PRR16: variants seen among roughly 807,000 people sequenced by gnomAD.
The protein encoded by PRR16 is protein Largen.
PRR16 carries 6 observed loss-of-function variants against 18.2 expected under a neutral mutation model. That is an observed-to-expected ratio of 0.33 (90% CI 0.18 to 0.65). The LOEUF is 0.65. PRR16 is among the 30% of genes least tolerant of loss of function. The pLI is 0.74. For synonymous variants in PRR16, 151 were observed against 147.8 expected, an observed-to-expected ratio of 1.02 and a Z score of -0.16; for missense variants, 412 against 376.6, an observed-to-expected ratio of 1.09 and a Z score of -0.78.
At chr5:120,760,843 G>T in the PRR16 span, among the ~76,000 whole-genome samples, 9 of 152,058 alleles carry the variant, frequency 5.9e-5, no homozygotes, top group African/African-American at 1.9e-4. Context: ...AGCTCCGGTA[G>T]CACAATGAAA....
intron 1 of PRR16, among the ~76,000 whole-genome samples, chr5:120,596,238 T>C (rs1753810629): frequency 6.6e-6 from 1 of 151,632 alleles, no homozygotes; most frequent in South Asian, 2.1e-4. Context: ...CTGAAGCTTA[T>C]GGGAAAGTCT....
chr5:120,480,453 A>G (rs1284844731), intron 1 of PRR16, among the ~76,000 whole-genome samples: 1 of 152,194 alleles, frequency 6.6e-6, no homozygotes, highest in Non-Finnish European at 1.5e-5. Context: ...GATAGTTACC[A>G]AGAAACCATC....
At chr5:120,785,575 G>GTTGTTTTTTTTT in the PRR16 span, among the ~76,000 whole-genome samples, 4 of 115,394 alleles carry the variant, frequency 3.5e-5, no homozygotes, top group Admixed American at 9.3e-5. Flanking sequence ...TGTTGTTGTT[G>GTTGTTTTTTTTT]TTTTTTTTTT....
chr5:120,569,466 T>C (rs954927305), intron 1 of PRR16, among the ~76,000 whole-genome samples: 1 of 152,142 alleles, frequency 6.6e-6, no homozygotes, highest in Non-Finnish European at 1.5e-5. Context: ...GGCTACCACA[T>C]GTAATACGCA....
chr5:120,699,783 C>T, the PRR16 span, among the ~76,000 whole-genome samples: 1 of 152,070 alleles, frequency 6.6e-6, no homozygotes, highest in Non-Finnish European at 1.5e-5. Flanking sequence ...ACTAACCATG[C>T]CTAGGAAGGA....
intron 1 of PRR16, among the ~76,000 whole-genome samples, chr5:120,682,128 C>G (rs1337218181): frequency 1.3e-5 from 2 of 152,158 alleles, no homozygotes; most frequent in African/African-American, 4.8e-5. Flanking sequence ...TCTCACAGTG[C>G]CCTTGAGCCA....
chr5:120,657,996 C>T (rs1000217283), intron 1 of PRR16: 1 of 151,958 alleles, frequency 6.6e-6, no homozygotes, highest in African/African-American at 2.4e-5. Context: ...GAGTACCTTC[C>T]TGGGAATACT....
chr5:120,788,765 C>T, the PRR16 span, among the ~76,000 whole-genome samples: 2 of 152,188 alleles, frequency 1.3e-5, no homozygotes, highest in African/African-American at 2.4e-5. Flanking sequence ...AGTAATGACT[C>T]AGAGTAAGCC....
At chr5:120,555,585 A>G (rs1340429931) in intron 1 of PRR16, among the ~76,000 whole-genome samples, 1 of 151,782 alleles carries the variant, frequency 6.6e-6, no homozygotes, top group Non-Finnish European at 1.5e-5. Flanking sequence ...CACTCATCCC[A>G]TCATGGAAGG....
At chr5:120,790,778 A>C in the PRR16 span, 1 of 152,166 alleles carries the variant, frequency 6.6e-6, no homozygotes, top group Non-Finnish European at 1.5e-5. Flanking sequence ...GACCACAGCA[A>C]GCAGTTTTTT....
the PRR16 span, among the ~76,000 whole-genome samples, chr5:120,712,524 A>T: frequency 1.6e-4 from 24 of 152,278 alleles, no homozygotes; most frequent in East Asian, 5.8e-4. Flanking sequence ...GGAACCTTAC[A>T]GATTGGGAAA....
downstream of PRR16, among the ~76,000 whole-genome samples, chr5:120,689,869 C>T (rs555998742): frequency 8.6e-5 from 13 of 151,596 alleles, no homozygotes; most frequent in East Asian, 2.1e-3. Flanking sequence ...TTCCACCTAC[C>T]AATAGTTATA....
chr5:120,568,129 T>A (rs1176161773), intron 1 of PRR16, among the ~76,000 whole-genome samples: 1 of 152,210 alleles, frequency 6.6e-6, no homozygotes, highest in Non-Finnish European at 1.5e-5. Context: ...ATATTAATCA[T>A]CATTTTAGAG....
At chr5:120,571,596 T>G (rs1332721639) in intron 1 of PRR16, among the ~76,000 whole-genome samples, 1 of 152,008 alleles carries the variant, frequency 6.6e-6, no homozygotes, top group East Asian at 1.9e-4. Context: ...GTAAAGAGAA[T>G]GGAGAGATCA....
chr5:120,505,373 G>T (rs1750605573), intron 1 of PRR16, among the ~76,000 whole-genome samples: 1 of 151,178 alleles, frequency 6.6e-6, no homozygotes, highest in African/African-American at 2.5e-5. Context: ...GGAATAGGTT[G>T]CTTAAAAGGT....
At chr5:120,673,764 A>G (rs1390448260) in intron 1 of PRR16, among the ~76,000 whole-genome samples, 1 of 151,708 alleles carries the variant, frequency 6.6e-6, no homozygotes, top group Non-Finnish European at 1.5e-5. Flanking sequence ...CATAGCAGAA[A>G]CCCATATCTA....
chr5:120,702,535 C>A, the PRR16 span, among the ~76,000 whole-genome samples: 1 of 152,012 alleles, frequency 6.6e-6, no homozygotes, highest in Admixed American at 6.5e-5. Flanking sequence ...GGTGAAGGAC[C>A]AAGGCAGGCG....
At chr5:120,749,773 A>G in the PRR16 span, among the ~76,000 whole-genome samples, 1 of 152,194 alleles carries the variant, frequency 6.6e-6, no homozygotes, top group East Asian at 1.9e-4. Context: ...GTTTACAGAA[A>G]GGAATATGCA....
At chr5:120,595,744 A>G (rs1276993997) in intron 1 of PRR16, among the ~76,000 whole-genome samples, 1 of 151,926 alleles carries the variant, frequency 6.6e-6, no homozygotes, top group Non-Finnish European at 1.5e-5. Context: ...AGAATTTGTG[A>G]TGTTCTTATG....
Sources: gnomAD v4.1 joint callset for allele counts (sites outside exome capture counted in the v4.1 genomes callset) on GRCh38, gnomAD v4.1.1 for gene constraint, MANE v1.5 for transcripts, NCBI Gene and HGNC (gene_info 2026-07-23, HGNC 2026-07-21) for gene names.